Variants in LARGE1 observed in about 807,000 individuals in gnomAD.
LARGE1 encodes xylosyl- and glucuronyltransferase LARGE1.
LARGE1 carries 43 observed loss-of-function variants against 87.6 expected under a neutral mutation model. The ratio of observed to expected loss-of-function variants is 0.49; its 90% CI spans 0.38 to 0.63. The LOEUF (loss-of-function observed/expected upper bound fraction) is 0.63, where lower values mean the gene tolerates loss of function less well. Ranked by LOEUF, LARGE1 falls within the 30% of genes least tolerant of loss-of-function variation. LARGE1 has a pLI of 0.00. For synonymous variants in LARGE1, 434 were observed against 394.6 expected (o/e 1.10, Z -1.18); for missense variants, 802 against 1,000.2 (o/e 0.80, Z 2.67).
chr22:33,244,945 T>A (rs1053163947), intron 11 of LARGE1, among the ~76,000 whole-genome samples: 2 of 152,132 alleles, frequency 1.3e-5, no homozygotes, highest in Non-Finnish European at 2.9e-5. Flanking sequence ...TTTAAAAAGT[T>A]TGTGGAAAAA....
chr22:33,257,166 T>C (rs1330767074), intron 11 of LARGE1, among the ~76,000 whole-genome samples: 1 of 151,944 alleles, frequency 6.6e-6, no homozygotes, highest in Non-Finnish European at 1.5e-5. Context: ...GATCGCACCA[T>C]TGCACTCCAG....
At chr22:33,769,554 C>G (rs896379317) in intron 1 of LARGE1, among the ~76,000 whole-genome samples, 1 of 152,180 alleles carries the variant, frequency 6.6e-6, no homozygotes, top group African/African-American at 2.4e-5. Flanking sequence ...TATTCATTAT[C>G]ATACAAACTA....
At position 33,740,547 on chromosome 22, in the gene LARGE1, T is replaced by A. The variant is rs9609862; in HGVS notation, c.106+20824A>T. ...CAGGACAGAAACTATGTCTTAATCT[T>A]AGTGTCTTTCTCGGACTCTAGTCCA... is the stretch of plus-strand genomic sequence containing the variant. On this transcript the variant is annotated intron_variant, in intron 2 of 14. Coordinates refer to ENST00000397394, the MANE Select transcript of LARGE1 (RefSeq NM_133642.5). Among the ~76,000 whole-genome samples the A allele has an allele frequency of 6.0e-3, 908 of 152,346 alleles. 7 individuals are homozygous for A. Among genetic ancestry groups the A allele is most frequent in the Non-Finnish European group, 6.2e-3 (422 of 68,038 alleles).
At chr22:33,459,820 T>C (rs1294430414) in intron 6 of LARGE1, among the ~76,000 whole-genome samples, 1 of 148,702 alleles carries the variant, frequency 6.7e-6, no homozygotes, top group African/African-American at 2.5e-5. Context: ...TTATCTGATA[T>C]TTACATTACA....
At chr22:33,083,720 C>T in the LARGE1 span, among the ~76,000 whole-genome samples, 29 of 152,138 alleles carry the variant, frequency 1.9e-4, no homozygotes, top group Admixed American at 9.2e-4. Flanking sequence ...TCTAGTGACA[C>T]GAAACCAGCT....
intron 9 of LARGE1, among the ~76,000 whole-genome samples, chr22:33,370,910 A>T (rs1463099673): frequency 6.7e-6 from 1 of 149,846 alleles, no homozygotes; most frequent in Non-Finnish European, 1.5e-5. Flanking sequence ...AACAATGAAT[A>T]GTATTCATAT....
the LARGE1 span, among the ~76,000 whole-genome samples, chr22:33,138,016 C>T: frequency 2.0e-5 from 3 of 152,316 alleles, no homozygotes; most frequent in South Asian, 6.2e-4. Context: ...AGTCCACCAT[C>T]CTCCAGACTC....
intron 1 of LARGE1, among the ~76,000 whole-genome samples, chr22:33,852,786 G>C (rs1767108002): frequency 6.7e-6 from 1 of 148,442 alleles, no homozygotes; most frequent in Non-Finnish European, 1.5e-5. Context: ...AACCTGGGAG[G>C]CGGAGGTTAC....
intron 2 of LARGE1, among the ~76,000 whole-genome samples, chr22:33,657,690 C>G (rs950694316): frequency 1.6e-4 from 25 of 152,080 alleles, no homozygotes; most frequent in Non-Finnish European, 1.5e-5. Flanking sequence ...TCTGATTTCT[C>G]CCTGTTCCTG....
chr22:33,277,026 C>T (rs781407325), intron 14 of LARGE1, 34 bp downstream of exon 14: 141 of 1,603,516 alleles, frequency 8.8e-5, no homozygotes, highest in Admixed American at 6.8e-4. Flanking sequence ...TCTCCCCCGT[C>T]GACCATACCA....
At chr22:33,198,280 T>C (rs1372556040) in intron 11 of LARGE1, among the ~76,000 whole-genome samples, 1 of 152,150 alleles carries the variant, frequency 6.6e-6, no homozygotes, top group Non-Finnish European at 1.5e-5. Context: ...GAAAGACATC[T>C]TTAAGGAAAG....
chr22:33,415,411 C>G (rs954897810), intron 7 of LARGE1, among the ~76,000 whole-genome samples: 7 of 152,146 alleles, frequency 4.6e-5, no homozygotes, highest in Admixed American at 3.3e-4. Context: ...GCACTTCAGG[C>G]CAGATCCTGG....
chr22:33,113,189 T>C, the LARGE1 span, among the ~76,000 whole-genome samples: 3 of 151,696 alleles, frequency 2.0e-5, no homozygotes, highest in Admixed American at 6.6e-5. Flanking sequence ...TATGTATATT[T>C]ACGTCACTTA....
intron 1 of LARGE1, among the ~76,000 whole-genome samples, chr22:33,852,868 AAAAAAAAAAAAG>A (rs1235173794): frequency 3.7e-5 from 4 of 107,272 alleles, no homozygotes; most frequent in Non-Finnish European, 5.2e-5. Context: ...AAAAAAAAAA[AAAAAAAAAAAAG>A]AAAGAAAGAA....
At chr22:33,570,977 C>A (rs2078183808) in intron 5 of LARGE1, among the ~76,000 whole-genome samples, 2 of 152,128 alleles carry the variant, frequency 1.3e-5, no homozygotes, top group Admixed American at 1.3e-4. Flanking sequence ...ATAGAGAAGT[C>A]AACACCTGGC....
chr22:33,922,732 C>T (rs182000131), upstream of LARGE1: 2 of 152,314 alleles, frequency 1.3e-5, no homozygotes, highest in African/African-American at 4.8e-5. Context: ...ATCTAATATC[C>T]TAGAGACCAT....
intron 6 of LARGE1, among the ~76,000 whole-genome samples, chr22:33,468,647 C>T (rs551168127): frequency 6.6e-6 from 1 of 152,238 alleles, no homozygotes; most frequent in South Asian, 2.1e-4. Context: ...TTTTTCCCAG[C>T]GGCTCTCTGA....
chr22:33,653,718 A>G (rs559433191), intron 2 of LARGE1, among the ~76,000 whole-genome samples: 14 of 152,282 alleles, frequency 9.2e-5, no homozygotes, highest in African/African-American at 3.4e-4. Flanking sequence ...AGGTGATGTC[A>G]TGGGTAAGAT....
At chr22:33,159,384 T>C (rs1056139156), downstream of LARGE1, among the ~76,000 whole-genome samples, 5 of 152,242 alleles carry the variant, frequency 3.3e-5, no homozygotes, top group African/African-American at 1.2e-4. Context: ...TATTATCTGT[T>C]GTCACTCTCT....
Sources: allele counts gnomAD v4.1 joint callset (sites outside exome capture counted in the v4.1 genomes callset), GRCh38; gene constraint gnomAD v4.1.1; transcripts MANE v1.5; gene names NCBI Gene and HGNC (gene_info 2026-07-23, HGNC 2026-07-21).